Variants in NRXN3 observed in about 807,000 individuals in gnomAD.
NRXN3 encodes the protein neurexin 3.
In NRXN3, 32 loss-of-function variants were observed where a neutral mutation model predicts 137.6. The observed-to-expected ratio is 0.23, with a 90% CI of 0.18 to 0.31. The LOEUF (loss-of-function observed/expected upper bound fraction) is 0.31, where lower values mean the gene tolerates loss of function less well. Ranked by LOEUF, NRXN3 falls within the 10% of genes least tolerant of loss-of-function variation. The pLI is 1.00. For synonymous variants in NRXN3, 798 were observed against 784.5 expected (o/e 1.02, Z -0.29); for missense variants, 1,574 against 2,062.5 (o/e 0.76, Z 4.59).
intron 16 of NRXN3, among the ~76,000 whole-genome samples, chr14:79,646,448 C>T (rs1186825970): frequency 4.4e-5 from 6 of 135,684 alleles, no homozygotes; most frequent in African/African-American, 1.5e-4. Context: ...TTCTCACATG[C>T]CAATGTCCAA....
At chr14:79,072,327 T>A (rs1180635779) in intron 15 of NRXN3, 2 of 152,208 alleles carry the variant, frequency 1.3e-5, no homozygotes, top group Non-Finnish European at 2.9e-5. Context: ...ATAGACAGCC[T>A]GTGTTTGCAG....
At chr14:78,719,229 C>T (rs544027266) in intron 8 of NRXN3, among the ~76,000 whole-genome samples, 31 of 152,320 alleles carry the variant, frequency 2.0e-4, no homozygotes, top group African/African-American at 7.2e-4. Context: ...AAGTTCATCC[C>T]AATGTCAAGA....
At chr14:79,275,548 A>G (rs1324373870) in intron 15 of NRXN3, among the ~76,000 whole-genome samples, 1 of 152,176 alleles carries the variant, frequency 6.6e-6, no homozygotes, top group African/African-American at 2.4e-5. Flanking sequence ...GCAGATGGAC[A>G]GAGCAACTTT....
At chr14:79,441,496 CA>C (rs1202411186) in intron 15 of NRXN3, among the ~76,000 whole-genome samples, 1 of 149,630 alleles carries the variant, frequency 6.7e-6, no homozygotes, top group Non-Finnish European at 1.5e-5. Flanking sequence ...TCTCCTGCCT[CA>C]GCCTCCCGAG....
At chr14:79,161,920 A>G (rs1025230855) in intron 15 of NRXN3, among the ~76,000 whole-genome samples, 12 of 151,926 alleles carry the variant, frequency 7.9e-5, no homozygotes, top group Admixed American at 7.9e-4. Context: ...AAATACGAGT[A>G]GAAACAAGTG....
At chr14:79,029,194 C>G (rs1189264646) in intron 15 of NRXN3, among the ~76,000 whole-genome samples, 1 of 152,004 alleles carries the variant, frequency 6.6e-6, no homozygotes, top group Non-Finnish European at 1.5e-5. Flanking sequence ...AGTTATTCTG[C>G]ATGATATGTT....
intron 4 of NRXN3, among the ~76,000 whole-genome samples, chr14:78,390,736 C>G (rs2090639437): frequency 6.6e-6 from 1 of 152,080 alleles, no homozygotes; most frequent in South Asian, 2.1e-4. Flanking sequence ...GAAAGAAAAT[C>G]ATTTCATTGC....
chr14:79,826,393 A>T (rs1291265556), intron 20 of NRXN3, among the ~76,000 whole-genome samples: 1 of 152,184 alleles, frequency 6.6e-6, no homozygotes, highest in African/African-American at 2.4e-5. Flanking sequence ...ACTCAGGTTC[A>T]CCAGTTGTTA....
At chr14:78,573,421 G>C (rs1207226998) in intron 4 of NRXN3, among the ~76,000 whole-genome samples, 1 of 152,236 alleles carries the variant, frequency 6.6e-6, no homozygotes, top group Non-Finnish European at 1.5e-5. Context: ...TTGTTGAATG[G>C]CTTTGACCAG....
At chr14:78,616,358 C>G (rs1462896601) in intron 4 of NRXN3, among the ~76,000 whole-genome samples, 1 of 152,178 alleles carries the variant, frequency 6.6e-6, no homozygotes, top group Non-Finnish European at 1.5e-5. Context: ...TCTGCTCTCC[C>G]TCCCCTCCCA....
intron 8 of NRXN3, among the ~76,000 whole-genome samples, chr14:78,798,854 C>T (rs2098830342): frequency 6.6e-6 from 1 of 152,226 alleles, no homozygotes; most frequent in South Asian, 2.1e-4. Flanking sequence ...ACGGCCTGAG[C>T]TCTACCTTGG....
At chr14:78,790,227 C>A (rs2098801106) in intron 8 of NRXN3, among the ~76,000 whole-genome samples, 2 of 152,042 alleles carry the variant, frequency 1.3e-5, no homozygotes, top group African/African-American at 4.8e-5. Context: ...TTTCTCTATT[C>A]CATTTTTTTC....
intron 15 of NRXN3, among the ~76,000 whole-genome samples, chr14:79,377,858 C>A (rs915872049): frequency 3.9e-5 from 6 of 152,172 alleles, no homozygotes; most frequent in Non-Finnish European, 7.3e-5. Context: ...AGAATAGTTT[C>A]TATGAAGCAG....
chr14:78,943,598 C>T (rs1316506032), intron 10 of NRXN3, among the ~76,000 whole-genome samples: 1 of 88,694 alleles, frequency 1.1e-5, no homozygotes, highest in Non-Finnish European at 2.2e-5. Context: ...AGAAAAGAAG[C>T]AAGATCACTG....
intron 19 of NRXN3, among the ~76,000 whole-genome samples, chr14:79,721,086 A>C (rs768274165): frequency 6.6e-6 from 1 of 152,182 alleles, no homozygotes; most frequent in Non-Finnish European, 1.5e-5. Flanking sequence ...ATAGTCAACT[A>C]TTTTTAAAGA....
At chr14:79,631,434 C>G (rs936222027) in intron 16 of NRXN3, among the ~76,000 whole-genome samples, 6 of 152,248 alleles carry the variant, frequency 3.9e-5, no homozygotes, top group African/African-American at 1.4e-4. Context: ...CTGCCCTCTG[C>G]TGGCGGGGAG....
intron 6 of NRXN3, among the ~76,000 whole-genome samples, chr14:78,685,946 GC>G: frequency 6.6e-6 from 1 of 151,950 alleles, no homozygotes; most frequent in Non-Finnish European, 1.5e-5. Flanking sequence ...ACCGCACCCG[GC>G]CATGTCACAG....
In NRXN3 at chr14:78,346,209, C is replaced by T. The variant is rs530614304; in HGVS notation, c.757+48349C>T. ...ACAACCTCTGGCTGATCTCTGACTA[C>T]AGTCTTGACTGCGGCTCTTGCCCAT... is the stretch of plus-strand genomic sequence containing the variant. On this transcript the variant is annotated intron_variant, in intron 4 of 20. Coordinates refer to ENST00000335750, the MANE Select transcript of NRXN3 (RefSeq NM_001330195.2). 1.7e-4 allele frequency among the ~76,000 whole-genome samples: 26 copies of T among 152,312 alleles called. No individual in the cohort carries two copies. In the Middle Eastern group the frequency reaches 0.01, roughly 60 times the overall value.
At chr14:78,542,696 C>G (rs901826019) in intron 4 of NRXN3, among the ~76,000 whole-genome samples, 1 of 152,186 alleles carries the variant, frequency 6.6e-6, no homozygotes, top group Admixed American at 6.5e-5. Flanking sequence ...GGGCTACACC[C>G]ACTGTCTAAC....
Sources: allele counts gnomAD v4.1 joint callset (sites outside exome capture counted in the v4.1 genomes callset), GRCh38; gene constraint gnomAD v4.1.1; transcripts MANE v1.5; gene names NCBI Gene and HGNC (gene_info 2026-07-23, HGNC 2026-07-21).